Variants in ASCC1 observed in about 807,000 individuals in gnomAD.
ASCC1 encodes the protein activating signal cointegrator 1 complex subunit 1, also known as ASC-1 complex subunit P50.
ASCC1 carries 35 observed loss-of-function variants against 46.6 expected under a neutral mutation model. That is an observed-to-expected ratio of 0.75 (90% CI 0.57 to 0.99). The LOEUF is 0.99. ASCC1 is among the 50% of genes least tolerant of loss of function. The pLI is 0.00. For synonymous variants in ASCC1, 143 were observed against 146.6 expected (o/e 0.98, Z 0.18); for missense variants, 376 against 428.7 (o/e 0.88, Z 1.09).
At chr10:72,187,275 T>G (rs1853597645) in intron 5 of ASCC1, among the ~76,000 whole-genome samples, 1 of 152,204 alleles carries the variant, frequency 6.6e-6, no homozygotes, top group Non-Finnish European at 1.5e-5. Flanking sequence ...ATGGCCTTAT[T>G]TAAGTACATA....
intron 9 of ASCC1, among the ~76,000 whole-genome samples, chr10:72,118,814 A>C (rs962447017): frequency 6.6e-6 from 1 of 152,156 alleles, no homozygotes; most frequent in Non-Finnish European, 1.5e-5. Context: ...AGAAAGAAAT[A>C]ATATACTTTC....
At chr10:72,165,052 G>A (rs1363183776) in intron 5 of ASCC1, among the ~76,000 whole-genome samples, 2 of 151,914 alleles carry the variant, frequency 1.3e-5, no homozygotes, top group African/African-American at 4.8e-5. Flanking sequence ...TTTAAAGGAA[G>A]GTAGGTCTCA....
chr10:72,189,802 C>CAAAAAAAAA (rs996153326), intron 5 of ASCC1: 11 of 167,928 alleles, frequency 6.6e-5, no homozygotes, highest in African/African-American at 4.3e-4. Context: ...AACTCCATCT[C>CAAAAAAAAA]AAAAAAAAAA....
At chr10:72,124,867 A>G (rs1007583722) in intron 9 of ASCC1, among the ~76,000 whole-genome samples, 19 of 151,958 alleles carry the variant, frequency 1.3e-4, no homozygotes, top group Admixed American at 6.6e-5. Context: ...ATAAAAAACC[A>G]CCATAACCAA....
At chr10:72,215,778 T>C (rs1859126412) in intron 1 of ASCC1, 2 of 152,316 alleles carry the variant, frequency 1.3e-5, no homozygotes, top group African/African-American at 2.4e-5. Context: ...ATAACCAACT[T>C]AACCCTGCTT....
intron 4 of ASCC1, among the ~76,000 whole-genome samples, chr10:72,199,290 A>ATTTT (rs755710978): frequency 3.3e-5 from 4 of 121,164 alleles, no homozygotes; most frequent in Non-Finnish European, 5.3e-5. Context: ...CACCCAGCTA[A>ATTTT]TTTTTTTTTT....
chr10:72,193,278 C>T (rs1238523859), intron 5 of ASCC1, among the ~76,000 whole-genome samples: 1 of 152,056 alleles, frequency 6.6e-6, no homozygotes, highest in Non-Finnish European at 1.5e-5. Context: ...TGTAGCATAT[C>T]CATAAAGTAG....
Position 72,149,437 on chromosome 10 carries a change from C to CAA in ASCC1, c.746+3430_746+3431dup, listed in dbSNP as rs11297879. ...TGGGCGACAGAGCGAGACTCCGTCA[C>CAA]AAAAAAAAAAAAAAAAAAAAAAAAA... On this transcript the variant is annotated intron_variant, in intron 7 of 9. Coordinates refer to ENST00000672957, the MANE Select transcript of ASCC1 (RefSeq NM_001198800.3). Among the ~76,000 whole-genome samples the CAA allele has an allele frequency of 1.4e-3, 73 of 52,690 alleles. 3 individuals are homozygous for CAA. Among genetic ancestry groups the CAA allele is most frequent in the South Asian group, 2.5e-3 (3 of 1,190 alleles). 34.6% of individuals were successfully genotyped at this position (52,690 alleles called of 152,430 possible). A position where few individuals can be genotyped will look rare whatever the true frequency, so the allele number is the denominator to read the frequency against.
At chr10:72,191,429 T>G (rs1210671563) in intron 5 of ASCC1, among the ~76,000 whole-genome samples, 5 of 151,748 alleles carry the variant, frequency 3.3e-5, no homozygotes. Flanking sequence ...GGGAGTTATA[T>G]ATCAGTGTAT....
In ASCC1 at chr10:72,157,168, A is replaced by ATAG. The variant is rs1849084991; in HGVS notation, c.627-4181_627-4180insCTA. ...GATCATAATAAGTCTTCCTATAGCC[A>ATAG]CCTCTAATAAGAAGTGAAATGTTTC... is the stretch of plus-strand genomic sequence containing the variant. On this transcript the variant is annotated intron_variant, in intron 6 of 9. Coordinates refer to ENST00000672957, the MANE Select transcript of ASCC1 (RefSeq NM_001198800.3). Among the ~76,000 whole-genome samples, 3 of 152,146 alleles carry ATAG rather than the reference A, an allele frequency of 2.0e-5. No individual in the cohort carries two copies. In the East Asian group the frequency reaches 5.8e-4, roughly 29 times the overall value.
chr10:72,179,674 A>AC (rs1462772582), intron 5 of ASCC1, among the ~76,000 whole-genome samples: 9 of 152,324 alleles, frequency 5.9e-5, no homozygotes, highest in African/African-American at 2.2e-4. Flanking sequence ...ATAAATACCT[A>AC]CCTCATAGGG....
chr10:72,202,186 G>A (rs1296366899), intron 4 of ASCC1, among the ~76,000 whole-genome samples: 7 of 152,036 alleles, frequency 4.6e-5, no homozygotes, highest in East Asian at 1.9e-4. Context: ...AAGTTCCATC[G>A]GCCAGACATG....
intron 6 of ASCC1, among the ~76,000 whole-genome samples, chr10:72,154,499 T>G (rs1848722875): frequency 6.6e-6 from 1 of 151,808 alleles, no homozygotes; most frequent in Non-Finnish European, 1.5e-5. Flanking sequence ...TAGGGTTTTT[T>G]TTTTTTTTTT....
intron 4 of ASCC1, 94 bp downstream of exon 4, chr10:72,203,333 A>C (rs1306977590): frequency 5.2e-6 from 5 of 963,322 alleles, no homozygotes; most frequent in Non-Finnish European, 8.4e-6. Flanking sequence ...AGAACCCCAC[A>C]GAAAACATAG....
At chr10:72,189,058 G>C (rs1313674986) in intron 5 of ASCC1, among the ~76,000 whole-genome samples, 1 of 152,052 alleles carries the variant, frequency 6.6e-6, no homozygotes, top group Non-Finnish European at 1.5e-5. Context: ...CATCCAGCGT[G>C]TCTCTCATTT....
Position 72,152,942 on chromosome 10 carries a change from C to T in ASCC1, c.673G>A (p.Glu225Lys), listed in dbSNP as rs763038121. Residue 225 changes from glutamate to lysine, a missense_variant, in exon 7 of 10, where the codon GAA (glutamate) becomes AAA (lysine). By Grantham distance (56) the Glu-to-Lys change is moderately conservative. Coordinates refer to ENST00000672957, the MANE Select transcript of ASCC1 (RefSeq NM_001198800.3). ...ATGCCAGGATCATCATTCATGTATTCTATCCCTGCCATCTCCACTTCTAGG... is the reference window on the plus strand; with the variant it reads ...ATGCCAGGATCATCATTCATGTATTTTATCCCTGCCATCTCCACTTCTAGG... The part of the protein sequence containing the change: ...KPLEVEMAGI[E>K]YMNDDPGMVD... 1.2e-6 allele frequency: 2 copies of T among 1,614,138 alleles called. No individual in the cohort carries two copies. The highest frequency in any genetic ancestry group is 1.7e-6 in the Non-Finnish European group (2 of 1,180,000).
rs1417729705 is a variant in ASCC1 at position 72,196,832 on chromosome 10, T to G, written c.468A>C (p.Glu156Asp). 6.2e-7 allele frequency: 1 copy of G among 1,613,226 alleles called. No homozygotes were observed. The highest frequency in any genetic ancestry group is 8.5e-7 in the Non-Finnish European group (1 of 1,180,008). ...TTACCATGGAGCACTTCGCCAGTAC[T>G]TCCTCCTGGAATCTCAGGAATCCTT... Reference protein sequence around the residue: ...VQEGFLRFQEEVLAKCSMDHG... With the variant: ...VQEGFLRFQEDVLAKCSMDHG... The change falls in exon 5 of 10, where the codon GAA becomes GAC. Residue 156 changes from glutamate to aspartate, a missense_variant. Coordinates refer to ENST00000672957, the MANE Select transcript of ASCC1 (RefSeq NM_001198800.3).
At chr10:72,203,941 G>C (rs1856849878) in intron 3 of ASCC1, among the ~76,000 whole-genome samples, 1 of 151,954 alleles carries the variant, frequency 6.6e-6, no homozygotes, top group African/African-American at 2.4e-5. Context: ...AACAGAGTAA[G>C]ACCCCGTCTC....
intron 5 of ASCC1, among the ~76,000 whole-genome samples, chr10:72,165,411 C>T (rs1007139283): frequency 1.1e-4 from 17 of 152,192 alleles, no homozygotes; most frequent in Non-Finnish European, 2.1e-4. Context: ...CCACCGCGCC[C>T]GGCCAAGTTG....
Sources: gnomAD v4.1 joint callset for allele counts (sites outside exome capture counted in the v4.1 genomes callset) on GRCh38, gnomAD v4.1.1 for gene constraint, MANE v1.5 for transcripts, NCBI Gene and HGNC (gene_info 2026-07-23, HGNC 2026-07-21) for gene names.